Variants in COL21A1 observed in about 807,000 individuals in gnomAD.
COL21A1 encodes the protein collagen alpha-1(XXI) chain.
In COL21A1, 149 loss-of-function variants were observed where a neutral mutation model predicts 137.9. The ratio of observed to expected loss-of-function variants is 1.08; its 90% CI spans 0.95 to 1.24. The LOEUF (loss-of-function observed/expected upper bound fraction) is 1.24, where lower values mean the gene tolerates loss of function less well. COL21A1 is among the 50% of genes most tolerant of loss of function. COL21A1 has a pLI of 0.00. For synonymous variants in COL21A1, 456 were observed against 391.5 expected, an observed-to-expected ratio of 1.16 and a Z score of -1.95; for missense variants, 1,167 against 1,158.4, an observed-to-expected ratio of 1.01 and a Z score of -0.11.
chr6:56,218,993 G>A (rs1164358673), intron 1 of COL21A1, among the ~76,000 whole-genome samples: 1 of 151,958 alleles, frequency 6.6e-6, no homozygotes, highest in Non-Finnish European at 1.5e-5. Flanking sequence ...TTGGAAAAGT[G>A]AAAAAGTTCA....
chr6:56,093,918 A>G (rs1447602903), intron 17 of COL21A1, among the ~76,000 whole-genome samples: 1 of 152,162 alleles, frequency 6.6e-6, no homozygotes, highest in Non-Finnish European at 1.5e-5. Context: ...GGCTGGTTGA[A>G]TGGATTCATG....
chr6:56,329,354 T>A (rs534223123), intron 1 of COL21A1, among the ~76,000 whole-genome samples: 1 of 152,176 alleles, frequency 6.6e-6, no homozygotes, highest in African/African-American at 2.4e-5. Flanking sequence ...CCCAGTTGCA[T>A]GGCTGTGGGG....
intron 9 of COL21A1, among the ~76,000 whole-genome samples, chr6:56,162,144 T>G (rs1168164712): frequency 6.6e-6 from 1 of 152,216 alleles, no homozygotes; most frequent in African/African-American, 2.4e-5. Context: ...AGAAAAGAAG[T>G]GCAACTTAGA....
chr6:56,079,355 A>G (rs1383685004), intron 17 of COL21A1, among the ~76,000 whole-genome samples: 3 of 151,742 alleles, frequency 2.0e-5, no homozygotes, highest in Non-Finnish European at 4.4e-5. Flanking sequence ...ATTTCTTACT[A>G]GTCTTTAATT....
At chr6:56,226,707 A>G (rs866317408) in intron 1 of COL21A1, among the ~76,000 whole-genome samples, 1 of 151,952 alleles carries the variant, frequency 6.6e-6, no homozygotes, top group Non-Finnish European at 1.5e-5. Context: ...TTATGGTGCA[A>G]TGCACTGGTA....
At chr6:56,200,073 C>T (rs1779280528) in intron 1 of COL21A1, among the ~76,000 whole-genome samples, 1 of 152,076 alleles carries the variant, frequency 6.6e-6, no homozygotes, top group Admixed American at 6.6e-5. Flanking sequence ...CATGAAGGAG[C>T]CACACTTGAT....
At chr6:56,201,775 A>C (rs1450685233) in intron 1 of COL21A1, among the ~76,000 whole-genome samples, 1 of 152,178 alleles carries the variant, frequency 6.6e-6, no homozygotes, top group Non-Finnish European at 1.5e-5. Context: ...TGTCATAATT[A>C]TAGACAAAAA....
intron 23 of COL21A1, among the ~76,000 whole-genome samples, chr6:56,066,037 C>T (rs386469181): frequency 8.0e-4 from 121 of 151,804 alleles, no homozygotes; most frequent in Middle Eastern, 3.4e-3. Context: ...GAGTACGAAG[C>T]GGTTTATGGG....
At chr6:56,147,692 T>G (rs1471719180) in intron 10 of COL21A1, among the ~76,000 whole-genome samples, 1 of 152,174 alleles carries the variant, frequency 6.6e-6, no homozygotes, top group Non-Finnish European at 1.5e-5. Flanking sequence ...TTATATATAC[T>G]ACCTATAATA....
At chr6:56,363,452 T>A (rs529121269) in intron 1 of COL21A1, among the ~76,000 whole-genome samples, 1 of 152,304 alleles carries the variant, frequency 6.6e-6, no homozygotes, top group African/African-American at 2.4e-5. Flanking sequence ...AATGATAGAA[T>A]GAGACTTGAA....
chr6:56,176,176 G>A (rs868545364), intron 3 of COL21A1, among the ~76,000 whole-genome samples: 1 of 151,854 alleles, frequency 6.6e-6, no homozygotes, highest in South Asian at 2.1e-4. Context: ...ATTTCTAAAA[G>A]AAAACTAGGA....
chr6:56,072,472 C>T (rs1766843113), intron 20 of COL21A1, among the ~76,000 whole-genome samples: 2 of 151,444 alleles, frequency 1.3e-5, no homozygotes, highest in Admixed American at 6.6e-5. Context: ...CTACTGAATA[C>T]GTTTTTGTCT....
At chr6:56,066,190 A>T (rs149977506) in intron 23 of COL21A1, among the ~76,000 whole-genome samples, 155 of 152,050 alleles carry the variant, frequency 1.0e-3, no homozygotes, top group African/African-American at 3.6e-3. Context: ...CCCAACTTCA[A>T]TCTTAACTTA....
chr6:56,236,451 G>A lies in COL21A1; in HGVS notation c.-39+10936C>T, dbSNP rs150513706. On this transcript the variant is annotated intron_variant, in intron 1 of 29. Coordinates refer to ENST00000244728, the MANE Select transcript of COL21A1 (RefSeq NM_030820.4). Reference sequence around the variant, plus strand: ...GGGAGGGGTTAAGGCATCAAGAATTGTTGGGATAAACAATACTCATATCAC... The same window carrying A: ...GGGAGGGGTTAAGGCATCAAGAATTATTGGGATAAACAATACTCATATCAC... 5.6e-3 allele frequency among the ~76,000 whole-genome samples: 855 copies of A among 152,142 alleles called. 8 individuals carry two copies. The highest frequency in any genetic ancestry group is 0.019 in the African/African-American group (809 of 41,542).
chr6:56,216,761 T>C (rs1561994043), intron 1 of COL21A1, among the ~76,000 whole-genome samples: 1 of 152,104 alleles, frequency 6.6e-6, no homozygotes, highest in Non-Finnish European at 1.5e-5. Context: ...CAAAACTTCT[T>C]AACACATGGG....
intron 10 of COL21A1, among the ~76,000 whole-genome samples, chr6:56,144,900 T>A (rs776803006): frequency 3.9e-5 from 6 of 152,368 alleles, no homozygotes; most frequent in East Asian, 1.9e-4. Context: ...TAGCAAAGAC[T>A]TAGTTTCTTA....
rs564324036 is a variant in COL21A1 at position 56,132,496 on chromosome 6, G to C, written c.1543-6347C>G. ...CAATAATTAAAACAATTCTGCAATG[G>C]AGAAGATGTAGACAGGTCAATGAAA... On this transcript the variant is annotated intron_variant, in intron 12 of 29. Coordinates refer to ENST00000244728, the MANE Select transcript of COL21A1 (RefSeq NM_030820.4). Among the ~76,000 whole-genome samples the C allele has an allele frequency of 9.8e-5, 15 of 152,290 alleles. No individual in the cohort carries two copies. The East Asian group carries it at 2.5e-3, about 25-fold the overall frequency.
chr6:56,306,251 G>T (rs1764448624), intron 1 of COL21A1, among the ~76,000 whole-genome samples: 1 of 145,252 alleles, frequency 6.9e-6, no homozygotes, highest in Non-Finnish European at 1.5e-5. Flanking sequence ...GGAGTTCTCT[G>T]TATTTCCTGA....
intron 1 of COL21A1, among the ~76,000 whole-genome samples, chr6:56,190,922 A>G (rs1277356166): frequency 1.3e-5 from 2 of 151,754 alleles, no homozygotes; most frequent in Non-Finnish European, 3.0e-5. Flanking sequence ...TGATATTAGC[A>G]TCCCCATAAG....
Sources: gnomAD v4.1 joint callset for allele counts (sites outside exome capture counted in the v4.1 genomes callset) on GRCh38, gnomAD v4.1.1 for gene constraint, MANE v1.5 for transcripts, NCBI Gene and HGNC (gene_info 2026-07-23, HGNC 2026-07-21) for gene names.